Variants in SBF2 observed in about 807,000 individuals in gnomAD.
SBF2 encodes the protein SET binding factor 2.
SBF2 carries 112 observed loss-of-function variants against 225.2 expected under a neutral mutation model. The observed-to-expected ratio is 0.50, with a 90% CI of 0.43 to 0.58. The LOEUF (loss-of-function observed/expected upper bound fraction) is 0.58. SBF2 is among the 20% of genes least tolerant of loss of function. The pLI is 0.00. For missense variants in SBF2, 1,996 were observed against 2,206.2 expected, an observed-to-expected ratio of 0.90 and a Z score of 1.91; for synonymous variants, 763 against 773.3, an observed-to-expected ratio of 0.99 and a Z score of 0.22.
At chr11:10,198,280 G>C (rs1428890495) in intron 1 of SBF2, among the ~76,000 whole-genome samples, 2 of 152,160 alleles carry the variant, frequency 1.3e-5, no homozygotes, top group African/African-American at 2.4e-5. Flanking sequence ...GTGTTAGCAG[G>C]CATGAAAACA....
chr11:9,907,607 A>G (rs1862215674), intron 16 of SBF2, among the ~76,000 whole-genome samples: 1 of 152,236 alleles, frequency 6.6e-6, no homozygotes, highest in African/African-American at 2.4e-5. Context: ...TACCACTGTT[A>G]TTTATATGCA....
At chr11:10,248,964 C>CG (rs1960067354) in intron 1 of SBF2, among the ~76,000 whole-genome samples, 1 of 151,936 alleles carries the variant, frequency 6.6e-6, no homozygotes, top group Non-Finnish European at 1.5e-5. Context: ...GGGGTGGTGG[C>CG]GGGAGCCTGT....
intron 16 of SBF2, chr11:9,956,578 T>TG: frequency 6.6e-6 from 1 of 151,612 alleles, no homozygotes; most frequent in Non-Finnish European, 1.5e-5. Flanking sequence ...TTTTTTTTTT[T>TG]TTTTTGGAGA....
chr11:9,998,084 T>C (rs1214773123), intron 9 of SBF2, among the ~76,000 whole-genome samples, 182 bp downstream of exon 9: 2 of 152,234 alleles, frequency 1.3e-5, no homozygotes, highest in Non-Finnish European at 2.9e-5. Flanking sequence ...AAATATATGC[T>C]TTAGATAACT....
At chr11:10,133,200 C>T (rs1424164998) in intron 2 of SBF2, among the ~76,000 whole-genome samples, 1 of 149,506 alleles carries the variant, frequency 6.7e-6, no homozygotes, top group African/African-American at 2.5e-5. Context: ...GATATAAAGA[C>T]TCTCCACATC....
chr11:10,291,491 G>A (rs541076590), intron 1 of SBF2, among the ~76,000 whole-genome samples: 1 of 152,260 alleles, frequency 6.6e-6, no homozygotes, highest in African/African-American at 2.4e-5. Flanking sequence ...AATGGACTAA[G>A]GCAAATAGTA....
intron 16 of SBF2, 119 bp downstream of exon 16, chr11:9,961,838 G>A (rs773358681): frequency 2.4e-5 from 19 of 801,636 alleles, no homozygotes; most frequent in African/African-American, 1.9e-4. Context: ...AGATACTGAC[G>A]CTTCATCCTA....
chr11:10,279,699 G>C (rs2135557051), intron 1 of SBF2, among the ~76,000 whole-genome samples: 1 of 152,160 alleles, frequency 6.6e-6, no homozygotes, highest in South Asian at 2.1e-4. Context: ...ACCCAGGCTG[G>C]GGTGCAATGG....
chr11:9,997,557 T>A (rs1423196074), intron 9 of SBF2, among the ~76,000 whole-genome samples: 1 of 152,184 alleles, frequency 6.6e-6, no homozygotes, highest in East Asian at 1.9e-4. Flanking sequence ...AGCGGGCAGA[T>A]CACGAGATCA....
intron 34 of SBF2, among the ~76,000 whole-genome samples, chr11:9,789,976 G>A (rs1449154586): frequency 6.6e-6 from 1 of 152,218 alleles, no homozygotes; most frequent in Non-Finnish European, 1.5e-5. Context: ...GCAGCTGGAG[G>A]AAGGCCAGAC....
At chr11:10,242,463 G>A (rs1234060096) in intron 1 of SBF2, among the ~76,000 whole-genome samples, 12 of 151,500 alleles carry the variant, frequency 7.9e-5, no homozygotes, top group African/African-American at 2.4e-4. Flanking sequence ...ACTATAAAAC[G>A]GACAGAAAAA....
intron 1 of SBF2, among the ~76,000 whole-genome samples, chr11:10,239,746 C>CT (rs1289249568): frequency 0.033 from 4,868 of 149,748 alleles, 189 homozygotes; most frequent in South Asian, 0.072. Context: ...CAAGAGAAAA[C>CT]GCAAAATGCA....
chr11:10,077,758 C>T (rs886833525), intron 2 of SBF2, among the ~76,000 whole-genome samples: 3 of 152,178 alleles, frequency 2.0e-5, no homozygotes, highest in Non-Finnish European at 4.4e-5. Flanking sequence ...ACACCAAAAG[C>T]AATGGCAACA....
At chr11:10,056,559 T>C (rs1466542003) in intron 2 of SBF2, among the ~76,000 whole-genome samples, 1 of 152,226 alleles carries the variant, frequency 6.6e-6, no homozygotes, top group Non-Finnish European at 1.5e-5. Flanking sequence ...TGTTGGTGTA[T>C]AGGAATCCTA....
At chr11:9,841,120 A>T (rs964370083) in intron 25 of SBF2, among the ~76,000 whole-genome samples, 3 of 152,202 alleles carry the variant, frequency 2.0e-5, no homozygotes, top group African/African-American at 4.8e-5. Context: ...AATATATTTT[A>T]AAAAAGCAGA....
rs1415537122 is a variant in SBF2 at position 9,946,341 on chromosome 11, CA to C, written c.1860+15615del. Among the ~76,000 whole-genome samples the C allele has an allele frequency of 9.2e-5, 14 of 152,158 alleles. 1 individual carries two copies. The highest frequency in any genetic ancestry group is 3.4e-4 in the African/African-American group (14 of 41,512). ...AATCTAGCAACACACAAGTTAACCA[CA>C]TAACAAGTCTGCACATGCACCCCCT... On this transcript the variant is annotated intron_variant, in intron 16 of 39. Coordinates refer to ENST00000256190, the MANE Select transcript of SBF2 (RefSeq NM_030962.4).
Position 9,982,383 on chromosome 11 carries a change from T to C in SBF2, c.1395+7114A>G, listed in dbSNP as rs139785351. Among the ~76,000 whole-genome samples the C allele has an allele frequency of 7.4e-4, 112 of 152,326 alleles. 2 individuals carry two copies. Among genetic ancestry groups the C allele is most frequent in the African/African-American group, 2.6e-3 (108 of 41,578 alleles). ...AAAAATTGTGACTAACATGTTTTCA[T>C]AACACACTGACTGACAGGAAAATTA... On this transcript the variant is annotated intron_variant, in intron 13 of 39. Transcript: ENST00000256190.
At chr11:10,132,707 C>T (rs938176239) in intron 2 of SBF2, among the ~76,000 whole-genome samples, 4 of 148,756 alleles carry the variant, frequency 2.7e-5, no homozygotes, top group African/African-American at 9.9e-5. Context: ...AAAGCTTCCA[C>T]AGTGTGGAAG....
In SBF2 at chr11:10,294,006, C is replaced by A. The variant is rs1449265617; in HGVS notation, c.55+9G>T. The A allele has an allele frequency of 2.9e-6, 4 of 1,390,020 alleles. No individual in the cohort carries two copies. The highest frequency in any genetic ancestry group is 2.8e-6 in the Non-Finnish European group (3 of 1,065,964). 86.1% of individuals were successfully genotyped at this position (1,390,020 alleles called of 1,614,324 possible). On this transcript the variant is annotated intron_variant, in intron 1 of 39. Transcript: ENST00000256190. ...GAGGCCCGGGGGCGGTGCCGCCCCA[C>A]ACCCTTACCTGGCTTCTCGTGGTCA...
Sources: gnomAD v4.1 joint callset for allele counts (sites outside exome capture counted in the v4.1 genomes callset) on GRCh38, gnomAD v4.1.1 for gene constraint, MANE v1.5 for transcripts, NCBI Gene and HGNC (gene_info 2026-07-23, HGNC 2026-07-21) for gene names.